LAMA3: variants seen among roughly 807,000 people sequenced by gnomAD.
LAMA3 encodes laminin subunit alpha-3.
LAMA3 carries 281 observed loss-of-function variants against 402.0 expected under a neutral mutation model. The ratio of observed to expected loss-of-function variants is 0.70; its 90% CI spans 0.63 to 0.77. LAMA3 has a LOEUF of 0.77. Among genes scored for constraint, LAMA3 ranks in the 30% least tolerant of loss-of-function variants. The pLI, the probability that LAMA3 is intolerant of heterozygous loss-of-function variation, is 0.00. For missense variants in LAMA3, 3,840 were observed against 4,215.5 expected, an observed-to-expected ratio of 0.91 and a Z score of 2.47; for synonymous variants, 1,431 against 1,558.4, an observed-to-expected ratio of 0.92 and a Z score of 1.93.
At chr18:23,920,618 A>G (rs777265626) in intron 60 of LAMA3, among the ~76,000 whole-genome samples, 2 of 152,236 alleles carry the variant, frequency 1.3e-5, no homozygotes, top group Non-Finnish European at 2.9e-5. Context: ...TTTTCAAATA[A>G]TATTAATGAT....
chr18:23,868,074 C>G (rs2144788705), intron 37 of LAMA3, among the ~76,000 whole-genome samples, 157 bp downstream of exon 37: 1 of 152,168 alleles, frequency 6.6e-6, no homozygotes. Flanking sequence ...ATCTGAAAAT[C>G]CAAAATCCAA....
chr18:23,933,936 G>C lies in LAMA3; in HGVS notation c.8862+1G>C. The C allele has an allele frequency of 6.2e-7, 1 of 1,613,958 alleles. No individual in the cohort carries two copies. Among genetic ancestry groups the C allele is most frequent in the Non-Finnish European group, 8.5e-7 (1 of 1,179,918 alleles). On this transcript the variant is annotated splice_donor_variant, in intron 67 of 74. Coordinates refer to ENST00000313654, the MANE Select transcript of LAMA3 (RefSeq NM_198129.4). LOFTEE classifies it high-confidence loss of function. The stretch of plus-strand genomic sequence containing the variant: ...GACCAAGACTTTTCGTATCAACCAG[G>C]TAAGTGTCCAAACCTAACCCTGGGT...
intron 1 of LAMA3, among the ~76,000 whole-genome samples, chr18:23,706,487 C>T (rs1195610117): frequency 2.6e-5 from 4 of 152,148 alleles, no homozygotes; most frequent in African/African-American, 9.7e-5. Flanking sequence ...CTTGGGTCTA[C>T]TGAATACGTA....
intron 34 of LAMA3, among the ~76,000 whole-genome samples, chr18:23,861,119 A>G (rs1326708768): frequency 2.0e-5 from 3 of 151,872 alleles, no homozygotes; most frequent in Non-Finnish European, 4.4e-5. Context: ...GAAGTCTCTT[A>G]TCCCCTGGGA....
At chr18:23,898,515 C>G (rs1442312785) in intron 44 of LAMA3, 1 of 573,396 alleles carries the variant, frequency 1.7e-6, no homozygotes, top group East Asian at 3.0e-5. Context: ...TAGCTCTTAT[C>G]TCTTCACATT....
chr18:23,934,546 G>C (rs552583001), intron 67 of LAMA3, among the ~76,000 whole-genome samples: 1 of 152,200 alleles, frequency 6.6e-6, no homozygotes, highest in South Asian at 2.1e-4. Context: ...TTGAACACAG[G>C]ATCAGGGTTT....
intron 44 of LAMA3, 154 bp from the exon 45 acceptor site, chr18:23,898,584 C>A (rs2080957575): frequency 6.1e-6 from 4 of 652,460 alleles, no homozygotes; most frequent in Non-Finnish European, 1.1e-5. Context: ...AAAATAGATT[C>A]CTTATGTAAC....
At chr18:23,922,143 A>T (rs928116401) in intron 62 of LAMA3, among the ~76,000 whole-genome samples, 1 of 152,254 alleles carries the variant, frequency 6.6e-6, no homozygotes, top group African/African-American at 2.4e-5. Flanking sequence ...TCTGAATGGG[A>T]AAAATCCCAC....
At chr18:23,914,963 A>G in intron 58 of LAMA3, 103 bp downstream of exon 58, 2 of 989,048 alleles carry the variant, frequency 2.0e-6, no homozygotes, top group Non-Finnish European at 3.1e-6. Flanking sequence ...AATGGATTTA[A>G]CCGCACATTC....
chr18:23,862,075 A>T (rs2064238051), intron 35 of LAMA3, among the ~76,000 whole-genome samples: 1 of 152,246 alleles, frequency 6.6e-6, no homozygotes. Flanking sequence ...CTAATGTCAA[A>T]GAATTTTCCT....
intron 2 of LAMA3, among the ~76,000 whole-genome samples, chr18:23,718,444 T>A (rs1230307674): frequency 6.6e-6 from 1 of 152,250 alleles, no homozygotes; most frequent in Admixed American, 6.5e-5. Context: ...TTGAGGCTTG[T>A]ATGCAATGTG....
At chr18:23,914,965 C>T (rs755794064) in intron 58 of LAMA3, 105 bp downstream of exon 58, 20 of 969,926 alleles carry the variant, frequency 2.1e-5, no homozygotes, top group East Asian at 2.6e-5. Context: ...TGGATTTAAC[C>T]GCACATTCTT....
chr18:23,735,680 A>G (rs542384381), intron 2 of LAMA3, among the ~76,000 whole-genome samples: 2 of 152,190 alleles, frequency 1.3e-5, no homozygotes, highest in East Asian at 1.9e-4. Flanking sequence ...CCTCACGCCA[A>G]CCTTGCGTGT....
intron 60 of LAMA3, among the ~76,000 whole-genome samples, chr18:23,920,457 G>A (rs190109078): frequency 6.6e-6 from 1 of 152,154 alleles, no homozygotes; most frequent in Admixed American, 6.5e-5. Context: ...GTCCTGTGTA[G>A]GATCCCCGAG....
chr18:23,742,707 A>C (rs2061584398), intron 2 of LAMA3, among the ~76,000 whole-genome samples: 1 of 151,932 alleles, frequency 6.6e-6, no homozygotes, highest in Non-Finnish European at 1.5e-5. Context: ...GTATATTGTT[A>C]ATAGTTGGTG....
intron 12 of LAMA3, among the ~76,000 whole-genome samples, chr18:23,803,079 G>A (rs149104191): frequency 2.1e-3 from 313 of 152,312 alleles, no homozygotes; most frequent in Non-Finnish European, 3.8e-3. Context: ...ATACTATGTG[G>A]ATACTATGAC....
At chr18:23,894,484 C>T in intron 43 of LAMA3, 136 bp downstream of exon 43, 1 of 777,382 alleles carries the variant, frequency 1.3e-6, no homozygotes. Flanking sequence ...TACTTAGGGT[C>T]AAATCAGCTT....
At chr18:23,774,037 A>G (rs928883653) in intron 9 of LAMA3, among the ~76,000 whole-genome samples, 3 of 152,192 alleles carry the variant, frequency 2.0e-5, no homozygotes, top group Non-Finnish European at 4.4e-5. Context: ...CCTGGTCAAC[A>G]TGGTGAAAAA....
chr18:23,888,008 CTG>C (rs1206964882), intron 41 of LAMA3, among the ~76,000 whole-genome samples: 2 of 152,180 alleles, frequency 1.3e-5, no homozygotes, highest in African/African-American at 4.8e-5. Context: ...CTGAATATTT[CTG>C]TGATTTAAAT....
Sources: allele counts gnomAD v4.1 joint callset (sites outside exome capture counted in the v4.1 genomes callset), GRCh38; gene constraint gnomAD v4.1.1; transcripts MANE v1.5; gene names NCBI Gene and HGNC (gene_info 2026-07-23, HGNC 2026-07-21).